Variants in CSMD1 observed in about 807,000 individuals in gnomAD.
CSMD1 encodes CUB and Sushi multiple domains 1.
CSMD1 carries 213 observed loss-of-function variants against 417.5 expected under a neutral mutation model. The ratio of observed to expected loss-of-function variants is 0.51; its 90% CI spans 0.46 to 0.57. The LOEUF (loss-of-function observed/expected upper bound fraction) is 0.57, where lower values mean the gene tolerates loss of function less well. Ranked by LOEUF, CSMD1 falls within the 20% of genes least tolerant of loss-of-function variation. The probability of loss-of-function intolerance (pLI) is 0.00; values close to 1 mark genes in which losing one functional copy is unlikely to be tolerated. For missense variants in CSMD1, 6,923 were observed against 4,529.7 expected (o/e 1.53, Z -15.17); for synonymous variants, 2,862 against 1,736.8 (o/e 1.65, Z -16.11).
chr8:4,755,657 A>C (rs2117069850), intron 1 of CSMD1, among the ~76,000 whole-genome samples: 1 of 152,316 alleles, frequency 6.6e-6, no homozygotes, highest in East Asian at 1.9e-4. Context: ...CACATCTGTC[A>C]ATGGCATTAT....
chr8:4,429,737 C>T (rs1018412932), intron 2 of CSMD1, among the ~76,000 whole-genome samples: 1 of 152,242 alleles, frequency 6.6e-6, no homozygotes, highest in Admixed American at 6.5e-5. Context: ...TCCTGTAACC[C>T]ACAGCCGTAT....
intron 2 of CSMD1, among the ~76,000 whole-genome samples, chr8:4,522,337 G>A (rs1803505066): frequency 6.6e-6 from 1 of 152,126 alleles, no homozygotes; most frequent in Non-Finnish European, 1.5e-5. Context: ...GTCTAATCAA[G>A]CCTCTTGCTT....
chr8:3,049,589 C>T (rs189909114), intron 50 of CSMD1, among the ~76,000 whole-genome samples: 11 of 151,426 alleles, frequency 7.3e-5, no homozygotes, highest in Non-Finnish European at 1.0e-4. Context: ...TGCAGGAAGG[C>T]GTGAATGGGT....
chr8:3,144,851 T>C (rs1263944729), intron 40 of CSMD1, among the ~76,000 whole-genome samples: 2 of 146,354 alleles, frequency 1.4e-5, no homozygotes, highest in African/African-American at 2.6e-5. Context: ...GTCCAGGGGC[T>C]CCTGTGTCCC....
Position 3,412,199 on chromosome 8 carries a change from TAC to T in CSMD1, c.1562-2596_1562-2595del, listed in dbSNP as rs796788727. On this transcript the variant is annotated intron_variant, in intron 12 of 69. Coordinates refer to ENST00000635120, the MANE Select transcript of CSMD1 (RefSeq NM_033225.6). Reference sequence around the variant, plus strand: ...ATATATATACACACATATACATACATACACACACACACACCACTGTTTCTTTA... The same window carrying T: ...ATATATATACACACATATACATACATACACACACACACCACTGTTTCTTTA... Among the ~76,000 whole-genome samples the T allele has an allele frequency of 7.4e-5, 9 of 121,722 alleles. 2 individuals carry two copies. In the East Asian group the frequency reaches 1.4e-3, roughly 20 times the overall value. The allele number at this position is 121,722 out of a possible 152,430, so 79.9% of individuals were successfully genotyped here. A position where few individuals can be genotyped will look rare whatever the true frequency, so the allele number is the denominator to read the frequency against.
At chr8:3,517,115 C>G (rs1164278161) in intron 10 of CSMD1, among the ~76,000 whole-genome samples, 1 of 152,198 alleles carries the variant, frequency 6.6e-6, no homozygotes, top group South Asian at 2.1e-4. Context: ...AGGAAGGAGG[C>G]CATGGTGTGG....
chr8:4,446,821 C>T (rs920600824), intron 2 of CSMD1, among the ~76,000 whole-genome samples: 1 of 149,100 alleles, frequency 6.7e-6, no homozygotes, highest in Admixed American at 6.7e-5. Flanking sequence ...CAAGTTTTCT[C>T]CATCTTGGCC....
intron 1 of CSMD1, among the ~76,000 whole-genome samples, chr8:4,875,698 C>G (rs1803001739): frequency 6.6e-6 from 1 of 152,032 alleles, no homozygotes; most frequent in South Asian, 2.1e-4. Context: ...CTAAGTAGAG[C>G]TGAGAAACCA....
intron 33 of CSMD1, among the ~76,000 whole-genome samples, chr8:3,195,519 G>A (rs938807871): frequency 1.3e-5 from 2 of 152,184 alleles, no homozygotes; most frequent in African/African-American, 2.4e-5. Context: ...TTTGTGTGAT[G>A]TTCGGCTTTT....
At chr8:3,919,492 T>C (rs767546616) in intron 5 of CSMD1, among the ~76,000 whole-genome samples, 3 of 152,284 alleles carry the variant, frequency 2.0e-5, no homozygotes, top group Admixed American at 6.5e-5. Flanking sequence ...TATTGGTCTA[T>C]GTGTCTGTTT....
chr8:4,425,229 C>A (rs916468146), intron 2 of CSMD1, among the ~76,000 whole-genome samples: 2 of 151,828 alleles, frequency 1.3e-5, no homozygotes, highest in Non-Finnish European at 2.9e-5. Flanking sequence ...GAAGTAGGAA[C>A]AAGATACTAA....
intron 2 of CSMD1, among the ~76,000 whole-genome samples, chr8:4,446,549 C>A (rs186241572): frequency 1.1e-4 from 17 of 152,012 alleles, no homozygotes; most frequent in African/African-American, 3.9e-4. Flanking sequence ...CCCGGTTCTG[C>A]TTTGTTTTGT....
chr8:3,944,058 C>G (rs755822268), intron 5 of CSMD1, among the ~76,000 whole-genome samples: 2 of 152,060 alleles, frequency 1.3e-5, no homozygotes, highest in Non-Finnish European at 2.9e-5. Context: ...TGTTTTTGCT[C>G]TCAACTATTT....
At chr8:4,696,555 G>A (rs565237814) in intron 1 of CSMD1, among the ~76,000 whole-genome samples, 2 of 152,276 alleles carry the variant, frequency 1.3e-5, no homozygotes, top group African/African-American at 4.8e-5. Flanking sequence ...TATTTGGGGA[G>A]GCTACAGAAT....
chr8:4,114,696 A>C (rs1283944939), intron 3 of CSMD1, among the ~76,000 whole-genome samples: 3 of 152,240 alleles, frequency 2.0e-5, no homozygotes, highest in African/African-American at 7.2e-5. Flanking sequence ...GAGGAGGTCA[A>C]AATTTCAAAA....
chr8:4,436,381 G>A (rs1464125426), intron 2 of CSMD1, among the ~76,000 whole-genome samples: 15 of 151,952 alleles, frequency 9.9e-5, no homozygotes, highest in African/African-American at 2.7e-4. Flanking sequence ...TACATCAAAC[G>A]TGCTTAAGTC....
intron 10 of CSMD1, among the ~76,000 whole-genome samples, chr8:3,530,523 T>C (rs1797932564): frequency 6.6e-6 from 1 of 152,206 alleles, no homozygotes; most frequent in African/African-American, 2.4e-5. Context: ...CTTTTCGTTT[T>C]GTTTTGTTTT....
At chr8:3,489,087 T>G (rs959865838) in intron 11 of CSMD1, among the ~76,000 whole-genome samples, 8 of 152,286 alleles carry the variant, frequency 5.3e-5, no homozygotes, top group East Asian at 1.9e-4. Context: ...CTGTGCATAG[T>G]GTCTGCTTTT....
At chr8:4,800,244 G>C (rs1798205148) in intron 1 of CSMD1, among the ~76,000 whole-genome samples, 1 of 152,032 alleles carries the variant, frequency 6.6e-6, no homozygotes, top group African/African-American at 2.4e-5. Context: ...TTGGAGACGA[G>C]ACTAGCAAAA....
Sources: gnomAD v4.1 joint callset for allele counts (sites outside exome capture counted in the v4.1 genomes callset) on GRCh38, gnomAD v4.1.1 for gene constraint, MANE v1.5 for transcripts, NCBI Gene and HGNC (gene_info 2026-07-23, HGNC 2026-07-21) for gene names.